MGA: variants seen among roughly 807,000 people sequenced by gnomAD.
MGA encodes the protein MAX dimerization protein MGA, also known as MAX gene-associated protein.
A neutral mutation model predicts 261.1 loss-of-function variants in MGA; 40 were observed. The ratio of observed to expected loss-of-function variants is 0.15; its 90% CI spans 0.12 to 0.20. The LOEUF (loss-of-function observed/expected upper bound fraction) is 0.20, where lower values mean the gene tolerates loss of function less well. MGA is among the 10% of genes least tolerant of loss of function. The pLI is 1.00. For missense variants in MGA, 3,397 were observed against 3,630.5 expected, an observed-to-expected ratio of 0.94 and a Z score of 1.65; for synonymous variants, 1,302 against 1,290.6, an observed-to-expected ratio of 1.01 and a Z score of -0.19.
intron 15 of MGA, among the ~76,000 whole-genome samples, chr15:41,745,761 C>T (rs1404693296): frequency 6.8e-6 from 1 of 147,222 alleles, no homozygotes; most frequent in African/African-American, 2.4e-5. Flanking sequence ...TGTGCCACCA[C>T]ACCTGGTTAA....
intron 3 of MGA, among the ~76,000 whole-genome samples, chr15:41,698,299 G>C (rs928990454): frequency 1.3e-5 from 2 of 151,134 alleles, no homozygotes; most frequent in African/African-American, 2.4e-5. Context: ...CTCCCGAGTA[G>C]CTGGGACTAC....
At chr15:41,762,824 A>T (rs1005214394) in intron 22 of MGA, among the ~76,000 whole-genome samples, 4 of 152,230 alleles carry the variant, frequency 2.6e-5, no homozygotes, top group Admixed American at 2.0e-4. Context: ...AAAGTAGAAT[A>T]TTAACTACAT....
intron 22 of MGA, 99 bp downstream of exon 22, chr15:41,762,461 G>GTTTT (rs34069193): frequency 0.013 from 1,827 of 137,860 alleles, 180 homozygotes; most frequent in East Asian, 0.038. Flanking sequence ...GTTTTGTGTG[G>GTTTT]TTTTTTTTTT....
Position 41,767,187 on chromosome 15 carries a change from G to A in MGA, c.9105G>A (p.Gln3035=), listed in dbSNP as rs1416821483. ...AAATGAACTTAACAGGGAATGACCA[G>A]GAAGGCCGGGAAAGCAAGGTGATGC... The change falls in exon 24 of 24, where the codon CAG becomes CAA. Residue 3035 remains glutamine (Q), a synonymous_variant. Transcript: ENST00000219905. The A allele has an allele frequency of 2.5e-6, 4 of 1,613,910 alleles. No homozygotes were observed. Among genetic ancestry groups the A allele is most frequent in the African/African-American group, 2.7e-5 (2 of 74,940 alleles).
upstream of MGA, among the ~76,000 whole-genome samples, chr15:41,656,018 C>G (rs1342310946): frequency 6.6e-6 from 1 of 152,122 alleles, no homozygotes; most frequent in East Asian, 1.9e-4. Flanking sequence ...GTGATCAGCA[C>G]TGGAATAGAG....
At chr15:41,714,936 T>C (rs2151520058) in intron 9 of MGA, among the ~76,000 whole-genome samples, 1 of 152,278 alleles carries the variant, frequency 6.6e-6, no homozygotes, top group South Asian at 2.1e-4. Flanking sequence ...TTTCTGTAAA[T>C]TGCCTTTTTG....
At chr15:41,656,377 TCA>T (rs1243345715), upstream of MGA, among the ~76,000 whole-genome samples, 3 of 68,320 alleles carry the variant, frequency 4.4e-5, no homozygotes, top group African/African-American at 1.1e-4. Flanking sequence ...TCTCTCTCTC[TCA>T]CACCCAGGCT....
intron 3 of MGA, among the ~76,000 whole-genome samples, chr15:41,697,345 A>T (rs2059593400): frequency 6.6e-6 from 1 of 152,092 alleles, no homozygotes; most frequent in Admixed American, 6.6e-5. Flanking sequence ...GACTAAAAAT[A>T]CATGAAATAT....
chr15:41,715,399 C>T (rs557436475), intron 9 of MGA, among the ~76,000 whole-genome samples: 7 of 152,080 alleles, frequency 4.6e-5, no homozygotes, highest in East Asian at 3.9e-4. Context: ...CGGCCCACCT[C>T]GGCCTCCCAA....
intron 9 of MGA, among the ~76,000 whole-genome samples, chr15:41,722,828 G>C (rs1014115605): frequency 6.6e-6 from 1 of 152,110 alleles, no homozygotes; most frequent in African/African-American, 2.4e-5. Context: ...GGAGTGAGGA[G>C]GTAGAATATA....
At chr15:41,665,939 G>A (rs781196806) in intron 1 of MGA, among the ~76,000 whole-genome samples, 14 of 151,324 alleles carry the variant, frequency 9.3e-5, no homozygotes, top group Admixed American at 3.3e-4. Context: ...TTAAAGAGAC[G>A]GGGTCTCACT....
chr15:41,693,832 A>G (rs562463880), intron 2 of MGA, among the ~76,000 whole-genome samples: 1 of 152,266 alleles, frequency 6.6e-6, no homozygotes, highest in South Asian at 2.1e-4. Flanking sequence ...AGTAACGTCA[A>G]TATAGTTCAA....
chr15:41,763,841 A>G (rs540396793), intron 22 of MGA, among the ~76,000 whole-genome samples: 1 of 152,246 alleles, frequency 6.6e-6, no homozygotes, highest in Admixed American at 6.5e-5. Context: ...TATTGATTTT[A>G]TGTGTTACTT....
At chr15:41,754,392 C>T (rs2063022783) in intron 17 of MGA, 45 bp from the exon 18 acceptor site, 1 of 1,469,918 alleles carries the variant, frequency 6.8e-7, no homozygotes, top group Non-Finnish European at 9.0e-7. Flanking sequence ...TTTAGGTGTG[C>T]TTGCCACTCA....
chr15:41,656,714 T>G (rs904044312), upstream of MGA, among the ~76,000 whole-genome samples: 2 of 151,906 alleles, frequency 1.3e-5, no homozygotes, highest in South Asian at 2.1e-4. Context: ...TCATCCTCCC[T>G]TCTCTTAACA....
chr15:41,729,081 A>G, intron 10 of MGA, 83 bp from the exon 11 acceptor site: 1 of 1,391,850 alleles, frequency 7.2e-7, no homozygotes, highest in East Asian at 2.4e-5. Flanking sequence ...GTAATACAAA[A>G]AAAGATTAAA....
intron 9 of MGA, among the ~76,000 whole-genome samples, chr15:41,719,538 C>A (rs1225502967): frequency 2.0e-5 from 3 of 152,110 alleles, no homozygotes; most frequent in Non-Finnish European, 4.4e-5. Context: ...CTCAGGAGTT[C>A]ATGACCAGCC....
chr15:41,754,339 C>T (rs1373758734), intron 17 of MGA, 98 bp from the exon 18 acceptor site: 1 of 1,092,938 alleles, frequency 9.1e-7, no homozygotes, highest in Admixed American at 3.1e-5. Context: ...ACATGAATGT[C>T]TGGCATTAGT....
At chr15:41,661,771 T>A (rs1347181466) in intron 1 of MGA, among the ~76,000 whole-genome samples, 2 of 152,112 alleles carry the variant, frequency 1.3e-5, no homozygotes, top group Non-Finnish European at 2.9e-5. Context: ...ATGCCGCGGC[T>A]AGGCTGCAGG....
Sources: gnomAD v4.1 joint callset for allele counts (sites outside exome capture counted in the v4.1 genomes callset) on GRCh38, gnomAD v4.1.1 for gene constraint, MANE v1.5 for transcripts, NCBI Gene and HGNC (gene_info 2026-07-23, HGNC 2026-07-21) for gene names.